The following ACVR2A variants were observed in gnomAD, a reference collection of about 807,000 sequenced individuals.
ACVR2A encodes activin receptor type-2A.
ACVR2A carries 7 observed loss-of-function variants against 61.4 expected under a neutral mutation model. That is an observed-to-expected ratio of 0.11 (90% CI 0.06 to 0.21). ACVR2A has a LOEUF of 0.21. Ranked by LOEUF, ACVR2A falls within the 10% of genes least tolerant of loss-of-function variation. The pLI, the probability that ACVR2A is intolerant of heterozygous loss-of-function variation, is 1.00. For missense variants in ACVR2A, 322 were observed against 621.7 expected, an observed-to-expected ratio of 0.52 and a Z score of 5.13; for synonymous variants, 193 against 208.3, an observed-to-expected ratio of 0.93 and a Z score of 0.63.
At chr2:147,875,488 T>G (rs1558799079) in intron 1 of ACVR2A, among the ~76,000 whole-genome samples, 1 of 151,842 alleles carries the variant, frequency 6.6e-6, no homozygotes, top group African/African-American at 2.4e-5. Flanking sequence ...TTTTCCCCTG[T>G]GGAAATAAAA....
At chr2:147,922,211 TA>T (rs541813038) in intron 8 of ACVR2A, among the ~76,000 whole-genome samples, 1 of 151,970 alleles carries the variant, frequency 6.6e-6, no homozygotes, top group East Asian at 1.9e-4. Flanking sequence ...TCTTTATTCT[TA>T]AAAAAAATCT....
At chr2:147,900,651 A>G (rs1242965285) in intron 4 of ACVR2A, 1 of 152,008 alleles carries the variant, frequency 6.6e-6, no homozygotes, top group Non-Finnish European at 1.5e-5. Context: ...AGGACTTTTC[A>G]TGGAAGTAGT....
At chr2:147,913,728 A>AG (rs1337604626) in intron 4 of ACVR2A, among the ~76,000 whole-genome samples, 1 of 147,322 alleles carries the variant, frequency 6.8e-6, no homozygotes, top group African/African-American at 2.5e-5. Flanking sequence ...CATCCTTCCT[A>AG]TAAGATTTAT....
chr2:147,926,804 G>C (rs959032090), intron 10 of ACVR2A, among the ~76,000 whole-genome samples: 1 of 151,720 alleles, frequency 6.6e-6, no homozygotes, highest in African/African-American at 2.4e-5. Flanking sequence ...GAGTCCATTT[G>C]AAGGGTTAGC....
chr2:147,889,665 T>C lies in ACVR2A; in HGVS notation c.56-6636T>C, dbSNP rs1242943126. Reference sequence around the variant, plus strand: ...GGGAGGCTGAGGCAGGAGAATGGCATGGACCCAGGAGGCGGAGGTTGCAGT... The same window carrying C: ...GGGAGGCTGAGGCAGGAGAATGGCACGGACCCAGGAGGCGGAGGTTGCAGT... On this transcript the variant is annotated intron_variant, in intron 1 of 10. Coordinates refer to ENST00000241416, the MANE Select transcript of ACVR2A (RefSeq NM_001616.5). Among the ~76,000 whole-genome samples the C allele has an allele frequency of 2.0e-5, 3 of 152,050 alleles. No individual in the cohort carries two copies. The East Asian group carries it at 5.8e-4, about 30-fold the overall frequency.
intron 1 of ACVR2A, among the ~76,000 whole-genome samples, chr2:147,883,156 T>C (rs988523579): frequency 4.6e-5 from 7 of 152,110 alleles, no homozygotes; most frequent in African/African-American, 1.7e-4. Context: ...ATCAAAAGAC[T>C]CAATGTGTAG....
intron 5 of ACVR2A, among the ~76,000 whole-genome samples, chr2:147,916,199 A>G (rs1398768861): frequency 1.3e-5 from 2 of 151,786 alleles, no homozygotes; most frequent in East Asian, 3.9e-4. Context: ...TATGAACTGT[A>G]TTACATTTTT....
chr2:147,922,973 G>C lies in ACVR2A; in HGVS notation c.1078G>C (p.Val360Leu). Residue 360 changes from valine to leucine, a missense_variant and splice_region_variant, in exon 9 of 11, where the codon GTT (valine) becomes CTT (leucine). This residue lies in a region of ACVR2A where 146 missense variants were observed against 383.8 expected (regional missense o/e 0.38). Coordinates refer to ENST00000241416, the MANE Select transcript of ACVR2A (RefSeq NM_001616.5). ...GKSAGDTHGQVGTRRYMAPEV... is the reference protein window; with the variant it reads ...GKSAGDTHGQLGTRRYMAPEV... ...TCTTTGCTTTTAACATCTTTTTCAGGTTGGTACCCGGAGGTACATGGCTCC... is the reference window on the plus strand; with the variant it reads ...TCTTTGCTTTTAACATCTTTTTCAGCTTGGTACCCGGAGGTACATGGCTCC... 6.2e-7 allele frequency: 1 copy of C among 1,600,480 alleles called. No individual in the cohort carries two copies. The highest frequency in any genetic ancestry group is 8.5e-7 in the Non-Finnish European group (1 of 1,176,222).
chr2:147,895,938 C>G (rs1424759164), intron 1 of ACVR2A, among the ~76,000 whole-genome samples: 1 of 152,070 alleles, frequency 6.6e-6, no homozygotes, highest in Non-Finnish European at 1.5e-5. Flanking sequence ...CAACTGTAGT[C>G]ACTATGCAGC....
intron 1 of ACVR2A, among the ~76,000 whole-genome samples, chr2:147,875,385 C>T (rs78028847): frequency 0.035 from 5,394 of 152,138 alleles, 120 homozygotes; most frequent in Middle Eastern, 0.088. Flanking sequence ...TATATGCTCT[C>T]TTATTGAGCA....
chr2:147,896,939 C>G (rs1210174899), intron 2 of ACVR2A: 1 of 154,228 alleles, frequency 6.5e-6, no homozygotes, highest in African/African-American at 2.5e-5. Context: ...AGAAATTGAT[C>G]TTACTACATT....
chr2:147,927,289 G>C lies in ACVR2A; in HGVS notation c.*15G>C. ...CTAGTCTATGATGGTTGCGCCATCT[G>C]TGCACACTAAGAAATGGGACTCTGA... On this transcript the variant is annotated 3_prime_UTR_variant, in exon 11 of 11. Transcript: ENST00000241416. 6.3e-7 allele frequency: 1 copy of C among 1,596,568 alleles called. No individual in the cohort carries two copies. Among genetic ancestry groups the C allele is most frequent in the Non-Finnish European group, 8.5e-7 (1 of 1,172,308 alleles).
In ACVR2A at chr2:147,905,571, G is replaced by A. The variant is rs531037595; in HGVS notation, c.528+5673G>A. Among the ~76,000 whole-genome samples the A allele has an allele frequency of 5.3e-5, 8 of 151,486 alleles. No individual in the cohort carries two copies. The South Asian group carries it at 1.7e-3, about 32-fold the overall frequency. ...GAGCATTCTTTTGTGTGTGTGTGTG[G>A]GTGTGTGTATGTGTATGTCTAAGAA... On this transcript the variant is annotated intron_variant, in intron 4 of 10. Transcript: ENST00000241416.
intron 1 of ACVR2A, among the ~76,000 whole-genome samples, chr2:147,893,360 A>G (rs1418522633): frequency 1.3e-5 from 2 of 152,146 alleles, no homozygotes; most frequent in Non-Finnish European, 2.9e-5. Flanking sequence ...AGATTTTTAC[A>G]TGGACTTATG....
chr2:147,902,747 C>T (rs1003684423), intron 4 of ACVR2A: 2 of 151,818 alleles, frequency 1.3e-5, no homozygotes, highest in South Asian at 2.1e-4. Flanking sequence ...AAGACTTTTT[C>T]GAAGGGTAGG....
intron 6 of ACVR2A, 65 bp from the exon 7 acceptor site, chr2:147,918,380 GAA>G (rs1278712250): frequency 7.2e-7 from 1 of 1,397,440 alleles, no homozygotes; most frequent in Non-Finnish European, 9.6e-7. Flanking sequence ...TAGGTAAAAA[GAA>G]AAGTCTCCTT....
intron 5 of ACVR2A, among the ~76,000 whole-genome samples, chr2:147,916,360 C>T (rs1352874865): frequency 2.6e-5 from 4 of 151,782 alleles, no homozygotes; most frequent in South Asian, 4.2e-4. Flanking sequence ...TTAACAAGCC[C>T]GACAACAGCA....
chr2:147,913,104 T>A (rs555402202), intron 4 of ACVR2A, among the ~76,000 whole-genome samples: 15 of 151,886 alleles, frequency 9.9e-5, no homozygotes, highest in East Asian at 1.9e-4. Context: ...CTTTTTTTTT[T>A]AATGTAGATA....
At chr2:147,918,118 A>G (rs543981123) in intron 6 of ACVR2A, among the ~76,000 whole-genome samples, 2 of 151,700 alleles carry the variant, frequency 1.3e-5, no homozygotes, top group South Asian at 4.1e-4. Flanking sequence ...TAGTCAGGAT[A>G]TTTTAACTTT....
Sources: gnomAD v4.1 joint callset for allele counts (sites outside exome capture counted in the v4.1 genomes callset) on GRCh38, gnomAD v4.1.1 for gene constraint, gnomAD v4.1.1 regional missense constraint, MANE v1.5 for transcripts, NCBI Gene and HGNC (gene_info 2026-07-23, HGNC 2026-07-21) for gene names.